Variants in VTI1A observed in about 807,000 individuals in gnomAD.
VTI1A encodes the protein vesicle transport through interaction with t-SNAREs 1A.
A neutral mutation model predicts 34.9 loss-of-function variants in VTI1A; 22 were observed. The ratio of observed to expected loss-of-function variants is 0.63; its 90% CI spans 0.45 to 0.90. The LOEUF (loss-of-function observed/expected upper bound fraction) is 0.90. Ranked by LOEUF, VTI1A falls within the 40% of genes least tolerant of loss-of-function variation. VTI1A has a pLI of 0.00. For missense variants in VTI1A, 268 were observed against 275.6 expected (o/e 0.97, Z 0.20); for synonymous variants, 87 against 97.3 (o/e 0.89, Z 0.62).
rs550804923 is a variant in VTI1A, at chr10:112,741,193, C to T, written c.560+72195C>T. 3.9e-5 allele frequency among the ~76,000 whole-genome samples: 6 copies of T among 152,288 alleles called. 1 individual carries two copies. Among genetic ancestry groups the T allele is most frequent in the Admixed American group, 6.5e-5 (1 of 15,290 alleles). The stretch of plus-strand genomic sequence containing the variant: ...TTAATGGGCCAGGCACGGTGGCTCA[C>T]GCCTGTAGTCCCAGCACTTTGGGAA... On this transcript the variant is annotated intron_variant, in intron 7 of 7. Transcript: ENST00000393077.
intron 5 of VTI1A, among the ~76,000 whole-genome samples, chr10:112,567,009 C>T (rs1167011843): frequency 6.6e-6 from 1 of 152,012 alleles, no homozygotes; most frequent in East Asian, 1.9e-4. Flanking sequence ...TTTTTTGTAT[C>T]TCATAAAATT....
intron 5 of VTI1A, among the ~76,000 whole-genome samples, chr10:112,570,227 A>C (rs1365049810): frequency 3.9e-5 from 6 of 152,134 alleles, no homozygotes; most frequent in Non-Finnish European, 8.8e-5. Context: ...ACAAACTCTA[A>C]ACTGGCTGTG....
chr10:112,641,357 G>T (rs1846565466), intron 5 of VTI1A, among the ~76,000 whole-genome samples: 1 of 152,120 alleles, frequency 6.6e-6, no homozygotes, highest in Non-Finnish European at 1.5e-5. Flanking sequence ...AAACAGAATA[G>T]CCACTTTCCT....
At chr10:112,604,968 T>G (rs1391591451) in intron 5 of VTI1A, among the ~76,000 whole-genome samples, 2 of 152,342 alleles carry the variant, frequency 1.3e-5, no homozygotes, top group African/African-American at 4.8e-5. Flanking sequence ...ACCTCTCTTA[T>G]ATAGGCCTCT....
At chr10:112,791,643 A>G (rs1478758587) in intron 7 of VTI1A, among the ~76,000 whole-genome samples, 2 of 152,036 alleles carry the variant, frequency 1.3e-5, no homozygotes, top group African/African-American at 2.4e-5. Context: ...AATTTATGAC[A>G]GTGTTTGGCA....
chr10:112,455,674 CCTT>C (rs1344113031), intron 1 of VTI1A, among the ~76,000 whole-genome samples: 5 of 143,496 alleles, frequency 3.5e-5, no homozygotes, highest in African/African-American at 1.3e-4. Flanking sequence ...TCCCTTCCTT[CCTT>C]CCTTCCTTCC....
At chr10:112,615,337 G>A (rs1845476910) in intron 5 of VTI1A, among the ~76,000 whole-genome samples, 1 of 152,208 alleles carries the variant, frequency 6.6e-6, no homozygotes, top group African/African-American at 2.4e-5. Context: ...ATATAAATTA[G>A]TATTTAGGAA....
At chr10:112,573,615 A>G (rs142055158) in intron 5 of VTI1A, among the ~76,000 whole-genome samples, 47 of 152,302 alleles carry the variant, frequency 3.1e-4, no homozygotes, top group African/African-American at 1.0e-3. Flanking sequence ...TTTATTGCCA[A>G]TTCCACCATT....
rs549355010 is a variant in VTI1A, at chr10:112,451,538, T to C, written c.94+4071T>C. ...AAGGAGGTAAGTGATTAGGGCCTTT[T>C]GGATATGAATTTGGAACTGGGCTTT... is the stretch of plus-strand genomic sequence containing the variant. On this transcript the variant is annotated intron_variant, in intron 1 of 7. Transcript: ENST00000393077. Among the ~76,000 whole-genome samples, 3 of 152,322 alleles carry C rather than the reference T, an allele frequency of 2.0e-5. No individual in the cohort carries two copies. In the East Asian group the frequency reaches 5.8e-4, roughly 29 times the overall value.
intron 7 of VTI1A, among the ~76,000 whole-genome samples, chr10:112,712,327 G>A (rs1343721694): frequency 1.3e-5 from 2 of 152,100 alleles, no homozygotes; most frequent in Non-Finnish European, 2.9e-5. Context: ...TTCAGTAAAA[G>A]CTCATGACTG....
intron 7 of VTI1A, among the ~76,000 whole-genome samples, chr10:112,795,737 C>T (rs1852652016): frequency 6.6e-6 from 1 of 152,072 alleles, no homozygotes; most frequent in South Asian, 2.1e-4. Flanking sequence ...CGCCCAGCCC[C>T]CTCTTACTCT....
At chr10:112,687,329 G>C (rs1848451453) in intron 7 of VTI1A, among the ~76,000 whole-genome samples, 1 of 146,140 alleles carries the variant, frequency 6.8e-6, no homozygotes, top group Admixed American at 6.9e-5. Flanking sequence ...CACCTCCCGG[G>C]TTCACGCCAT....
intron 7 of VTI1A, among the ~76,000 whole-genome samples, chr10:112,760,512 C>T (rs1305490546): frequency 1.3e-5 from 2 of 152,154 alleles, no homozygotes; most frequent in Non-Finnish European, 2.9e-5. Flanking sequence ...TGTTGAGACT[C>T]ATCACAATTT....
chr10:112,567,768 C>T (rs562097091), intron 5 of VTI1A, among the ~76,000 whole-genome samples: 47 of 152,146 alleles, frequency 3.1e-4, no homozygotes, highest in African/African-American at 9.4e-4. Context: ...TGTTCAAATT[C>T]GAGAGTCACC....
the VTI1A span, among the ~76,000 whole-genome samples, chr10:112,849,873 T>C: frequency 1.3e-5 from 2 of 152,140 alleles, no homozygotes; most frequent in Non-Finnish European, 2.9e-5. Context: ...AAGGCAGCCC[T>C]GGCGAGGTGG....
intron 3 of VTI1A, among the ~76,000 whole-genome samples, chr10:112,494,940 G>C (rs949235092): frequency 6.6e-6 from 1 of 152,072 alleles, no homozygotes; most frequent in African/African-American, 2.4e-5. Context: ...TTAATATTGG[G>C]CTATAATAAA....
rs919714965 is a variant in VTI1A at position 112,447,411 on chromosome 10, C to T, written c.38C>T (p.Ala13Val). 5 of 1,613,550 alleles carry T rather than the reference C, an allele frequency of 3.1e-6. No individual in the cohort carries two copies. In the African/African-American group the frequency reaches 5.3e-5, roughly 17 times the overall value. The change falls in exon 1 of 8, where the codon GCG (alanine) becomes GTG (valine). Residue 13 changes from alanine to valine, a missense_variant. Ala to Val is a moderately conservative substitution (Grantham distance 64, BLOSUM62 0). Transcript: ENST00000393077. The stretch of plus-strand genomic sequence containing the variant: ...TTCGAAGGTTACGAGCAGGACTTCG[C>T]GGTGCTCACTGCAGAGATCACCAGC... ...SDFEGYEQDF[A>V]VLTAEITSKI...
intron 7 of VTI1A, among the ~76,000 whole-genome samples, chr10:112,800,215 C>T (rs551982081): frequency 6.6e-6 from 1 of 152,332 alleles, no homozygotes; most frequent in South Asian, 2.1e-4. Flanking sequence ...GCATCTTGGC[C>T]GTCAACGAGT....
chr10:112,637,669 AC>A (rs1846410545), intron 5 of VTI1A, among the ~76,000 whole-genome samples: 1 of 152,204 alleles, frequency 6.6e-6, no homozygotes, highest in South Asian at 2.1e-4. Flanking sequence ...CAAAAAAAAA[AC>A]AGCTGTATAA....
Sources: allele counts gnomAD v4.1 joint callset (sites outside exome capture counted in the v4.1 genomes callset), GRCh38; gene constraint gnomAD v4.1.1; transcripts MANE v1.5; gene names NCBI Gene and HGNC (gene_info 2026-07-23, HGNC 2026-07-21).